RFTN2: variants seen among roughly 807,000 people sequenced by gnomAD.
The protein encoded by RFTN2 is raftlin family member 2.
RFTN2 carries 34 observed loss-of-function variants against 52.7 expected under a neutral mutation model. That is an observed-to-expected ratio of 0.64 (90% CI 0.49 to 0.86). The LOEUF is 0.86. Among genes scored for constraint, RFTN2 ranks in the 40% least tolerant of loss-of-function variants. RFTN2 has a pLI of 0.00. For missense variants in RFTN2, 536 were observed against 600.1 expected (o/e 0.89, Z 1.12); for synonymous variants, 203 against 217.7 (o/e 0.93, Z 0.59).
chr2:197,616,985 A>G (rs1181203782), intron 6 of RFTN2, among the ~76,000 whole-genome samples: 1 of 152,244 alleles, frequency 6.6e-6, no homozygotes. Flanking sequence ...AAGACAGTCC[A>G]TTCAGTGACA....
chr2:197,644,184 C>T lies in RFTN2; in HGVS notation c.412G>A (p.Asp138Asn), dbSNP rs2088714543. 1 of 1,610,638 alleles carries T rather than the reference C, an allele frequency of 6.2e-7. No homozygotes were observed. The highest frequency in any genetic ancestry group is 1.3e-5 in the African/African-American group (1 of 74,820). The change falls in exon 3 of 9, where the codon GAC becomes AAC. Residue 138 changes from aspartate (D) to asparagine (N), a missense_variant. Coordinates refer to ENST00000295049, the MANE Select transcript of RFTN2 (RefSeq NM_144629.3). The stretch of plus-strand genomic sequence containing the variant: ...TTTTCTATCAGTTCTTTTGCTGCGT[C>T]ATTTGTTTGTGCCTCAGAAGTTAGG... ...CPLTSEAQTNDAAKELIEKIN... is the reference protein window; with the variant it reads ...CPLTSEAQTNNAAKELIEKIN...
chr2:197,615,911 T>C lies in RFTN2; in HGVS notation c.1119A>G (p.Thr373=). Residue 373 remains threonine, a synonymous_variant, in exon 7 of 9, where the codon ACA becomes ACG. Coordinates refer to ENST00000295049, the MANE Select transcript of RFTN2 (RefSeq NM_144629.3). ...TCAATACAGGTGTGGGCAACACGCT[T>C]GTCAGAAGCCATCCGAATTCAGCCA... The part of the protein sequence containing the change: ...HTLAEFGWLL[T]SVLPTPVLRH... 1 of 1,558,624 alleles carries C rather than the reference T, an allele frequency of 6.4e-7. No homozygotes were observed. Among genetic ancestry groups the C allele is most frequent in the Non-Finnish European group, 8.7e-7 (1 of 1,149,504 alleles).
intron 1 of RFTN2, among the ~76,000 whole-genome samples, chr2:197,670,309 G>T (rs2089126204): frequency 1.3e-5 from 2 of 152,132 alleles, no homozygotes; most frequent in South Asian, 4.1e-4. Context: ...GTTCCGGGTT[G>T]TTTACACCTT....
intron 7 of RFTN2, among the ~76,000 whole-genome samples, chr2:197,608,887 G>T (rs1023882949): frequency 3.3e-5 from 5 of 151,936 alleles, no homozygotes; most frequent in African/African-American, 9.7e-5. Context: ...GCGATGTTTG[G>T]TTTTCTCTTC....
intron 8 of RFTN2, among the ~76,000 whole-genome samples, chr2:197,582,778 T>C (rs577693974): frequency 3.3e-5 from 5 of 152,288 alleles, no homozygotes; most frequent in Admixed American, 6.5e-5. Context: ...TCAAGGCCTA[T>C]TTACTTCCAA....
chr2:197,648,920 T>G (rs2088789078), intron 1 of RFTN2, among the ~76,000 whole-genome samples: 1 of 152,222 alleles, frequency 6.6e-6, no homozygotes, highest in African/African-American at 2.4e-5. Flanking sequence ...GTATTATAGT[T>G]ATTTGTTTAT....
intron 1 of RFTN2, among the ~76,000 whole-genome samples, chr2:197,673,934 C>T (rs1210812494): frequency 6.6e-6 from 1 of 152,040 alleles, no homozygotes; most frequent in Non-Finnish European, 1.5e-5. Flanking sequence ...ATGTGTCTGT[C>T]TCCTATGGAT....
intron 7 of RFTN2, among the ~76,000 whole-genome samples, chr2:197,599,799 G>A (rs2106191974): frequency 6.6e-6 from 1 of 152,298 alleles, no homozygotes; most frequent in South Asian, 2.1e-4. Context: ...CTCCTGTGGT[G>A]TGAAGGGGAA....
In RFTN2 at chr2:197,617,990, TTAAA is replaced by T. The variant is rs1407109724; in HGVS notation, c.929-73_929-70del. 4.8e-6 allele frequency: 6 copies of T among 1,253,170 alleles called. No homozygotes were observed. In the African/African-American group the frequency reaches 9.5e-5, roughly 20 times the overall value. 77.6% of individuals were successfully genotyped at this position (1,253,170 alleles called of 1,614,324 possible). ...GTGGCTCATAAAACCATCTAAATCC[TTAAA>T]TAACTCATATAGGAAACTGAAGGAA... On this transcript the variant is annotated intron_variant, in intron 5 of 8. Coordinates refer to ENST00000295049, the MANE Select transcript of RFTN2 (RefSeq NM_144629.3).
chr2:197,635,260 G>A (rs2088546227), intron 3 of RFTN2, among the ~76,000 whole-genome samples: 1 of 152,142 alleles, frequency 6.6e-6, no homozygotes, highest in Non-Finnish European at 1.5e-5. Flanking sequence ...CCAGTAATGG[G>A]ATGGCTGGGT....
chr2:197,621,934 T>C (rs936387214), intron 5 of RFTN2, among the ~76,000 whole-genome samples: 1 of 152,180 alleles, frequency 6.6e-6, no homozygotes, highest in Non-Finnish European at 1.5e-5. Context: ...GGAAAAGTTC[T>C]TGAAGGAAAA....
At chr2:197,594,622 G>C (rs114324923) in intron 8 of RFTN2, among the ~76,000 whole-genome samples, 1 of 152,210 alleles carries the variant, frequency 6.6e-6, no homozygotes, top group Non-Finnish European at 1.5e-5. Flanking sequence ...GTGAGCCCCT[G>C]TGCATGGCCT....
intron 8 of RFTN2, among the ~76,000 whole-genome samples, chr2:197,593,294 T>A (rs1282202307): frequency 6.6e-6 from 1 of 152,060 alleles, no homozygotes; most frequent in African/African-American, 2.4e-5. Context: ...TAACCCTAAC[T>A]ACTTGGGAGG....
At chr2:197,573,258 A>T (rs2087349015) in intron 8 of RFTN2, among the ~76,000 whole-genome samples, 1 of 152,218 alleles carries the variant, frequency 6.6e-6, no homozygotes, top group African/African-American at 2.4e-5. Flanking sequence ...AATGGCTTTG[A>T]TCGAAATGCT....
At chr2:197,596,574 G>C (rs1478416792) in intron 7 of RFTN2, among the ~76,000 whole-genome samples, 1 of 152,092 alleles carries the variant, frequency 6.6e-6, no homozygotes, top group Non-Finnish European at 1.5e-5. Context: ...GGAAAATAAG[G>C]TTGCTTCCAG....
At chr2:197,613,041 G>A (rs1439653899) in intron 7 of RFTN2, among the ~76,000 whole-genome samples, 2 of 152,204 alleles carry the variant, frequency 1.3e-5, no homozygotes, top group African/African-American at 4.8e-5. Flanking sequence ...GAGAATATGT[G>A]TAAGAAGATA....
In RFTN2 at chr2:197,646,543, T is replaced by C. The variant is rs781691184; in HGVS notation, c.263A>G (p.Gln88Arg). 1.2e-6 allele frequency: 2 copies of C among 1,614,136 alleles called. No homozygotes were observed. The highest frequency in any genetic ancestry group is 1.7e-6 in the Non-Finnish European group (2 of 1,179,984). The change falls in exon 2 of 9, where the codon CAG (glutamine) becomes CGG (arginine). Residue 88 changes from glutamine to arginine, a missense_variant. Physicochemically the swap from Gln to Arg is conservative, Grantham distance 43. Coordinates refer to ENST00000295049, the MANE Select transcript of RFTN2 (RefSeq NM_144629.3). ...AIHPVIQPVG[Q>R]RKHLPASYLY... ...GTAACTTGCAGGTAGGTGTTTTCGC[T>C]GCCCCACAGGTTGTATAACAGGATG...
intron 7 of RFTN2, among the ~76,000 whole-genome samples, chr2:197,610,425 G>T (rs1202128903): frequency 6.6e-6 from 1 of 152,130 alleles, no homozygotes; most frequent in Admixed American, 6.6e-5. Flanking sequence ...TCTGTTATTG[G>T]TGTATAGGAA....
intron 7 of RFTN2, among the ~76,000 whole-genome samples, chr2:197,608,056 T>C (rs1029435564): frequency 9.2e-5 from 14 of 152,200 alleles, no homozygotes; most frequent in Non-Finnish European, 1.9e-4. Flanking sequence ...AGAACTGCAT[T>C]AGAATGGGCC....
Sources: gnomAD v4.1 joint callset for allele counts (sites outside exome capture counted in the v4.1 genomes callset) on GRCh38, gnomAD v4.1.1 for gene constraint, MANE v1.5 for transcripts, NCBI Gene and HGNC (gene_info 2026-07-23, HGNC 2026-07-21) for gene names.